SYNE1: variants seen among roughly 807,000 people sequenced by gnomAD.
SYNE1 encodes spectrin repeat containing nuclear envelope protein 1.
A neutral mutation model predicts 1,111.0 loss-of-function variants in SYNE1; 616 were observed. The observed-to-expected ratio is 0.55, with a 90% CI of 0.52 to 0.59. The LOEUF (loss-of-function observed/expected upper bound fraction) is 0.59, where lower values mean the gene tolerates loss of function less well. Among genes scored for constraint, SYNE1 ranks in the 20% least tolerant of loss-of-function variants. SYNE1 has a pLI of 0.00. For synonymous variants in SYNE1, 3,855 were observed against 3,825.8 expected, an observed-to-expected ratio of 1.01 and a Z score of -0.28; for missense variants, 10,006 against 10,417.0, an observed-to-expected ratio of 0.96 and a Z score of 1.72.
chr6:152,277,731 TCTC>T (rs1481080818), intron 98 of SYNE1: 3 of 249,570 alleles, frequency 1.2e-5, no homozygotes, highest in East Asian at 9.0e-5. Flanking sequence ...TTGACCCACT[TCTC>T]CTTATAGCTT....
Position 152,268,364 on chromosome 6 carries a change from GA to G in SYNE1, c.18706-200del, listed in dbSNP as rs2092905075. ...GTAGTGTTCTTTTGCTTTGATACAG[GA>G]TACCTCTGAAAAATCTGGGGGTTAA... On this transcript the variant is annotated intron_variant, in intron 99 of 145. Coordinates refer to ENST00000367255, the MANE Select transcript of SYNE1 (RefSeq NM_182961.4). Among the ~76,000 whole-genome samples the G allele has an allele frequency of 4.8e-5, 7 of 145,138 alleles. No homozygotes were observed. The South Asian group carries it at 1.5e-3, about 32-fold the overall frequency.
chr6:152,271,577 G>C (rs1351209043), intron 98 of SYNE1, among the ~76,000 whole-genome samples: 8 of 152,186 alleles, frequency 5.3e-5, no homozygotes, highest in Non-Finnish European at 1.0e-4. Context: ...TCCTAGAGAT[G>C]GGAAGTTTGG....
chr6:152,370,919 T>A (rs1431930413), intron 59 of SYNE1, among the ~76,000 whole-genome samples: 1 of 152,192 alleles, frequency 6.6e-6, no homozygotes, highest in Non-Finnish European at 1.5e-5. Flanking sequence ...ATTTGAAAAG[T>A]TAGTATCTCA....
chr6:152,200,296 A>G (rs17194424), intron 127 of SYNE1, among the ~76,000 whole-genome samples: 5,366 of 152,342 alleles, frequency 0.035, 135 homozygotes, highest in Middle Eastern at 0.068. Flanking sequence ...GGGCAATAAT[A>G]AATGTTTTCA....
Position 152,488,397 on chromosome 6 carries a change from TG to T in SYNE1, c.1045del (p.Gln349SerfsTer12). 6.4e-7 allele frequency: 1 copy of T among 1,554,952 alleles called. No homozygotes were observed. Among genetic ancestry groups the T allele is most frequent in the Non-Finnish European group, 8.9e-7 (1 of 1,128,250 alleles). On this transcript the variant is annotated frameshift_variant and splice_region_variant, in exon 12 of 146. Transcript: ENST00000367255. LOFTEE classifies it high-confidence loss of function. ...TCAAAAATCTTCTCCATACAATACC[TG>T]ATATTTATCCTGTAAATTTGATTCC... ...MVESNLQDKYQSFKHFRVQYE... is the reference protein window; with the variant it reads ...MVESNLQDKYXSFKHFRVQYE...
At chr6:152,285,708 A>G (rs780172431) in intron 95 of SYNE1, among the ~76,000 whole-genome samples, 2 of 152,138 alleles carry the variant, frequency 1.3e-5, no homozygotes, top group Non-Finnish European at 2.9e-5. Flanking sequence ...CTCTTAGGTT[A>G]ATTGTCATAT....
chr6:152,257,298 T>G (rs1302321967), intron 101 of SYNE1, among the ~76,000 whole-genome samples: 1 of 152,156 alleles, frequency 6.6e-6, no homozygotes, highest in East Asian at 1.9e-4. Flanking sequence ...TCTGGGAGGC[T>G]GAGGTGGGCA....
In SYNE1 at chr6:152,330,021, GTCTATAC is replaced by G. The variant is rs749669009; in HGVS notation, c.14657_14663del (p.Ser4886ThrfsTer6). ...GGGAGCGACTCATCTCAGTCTGGAA[GTCTATAC>G]TCTGCACCATTCGGCTCTCACATTC... On this transcript the variant is annotated frameshift_variant, in exon 78 of 146. Transcript: ENST00000367255. LOFTEE classifies it high-confidence loss of function. 1 of 1,614,152 alleles carries G rather than the reference GTCTATAC, an allele frequency of 6.2e-7. No individual in the cohort carries two copies. Among genetic ancestry groups the G allele is most frequent in the Non-Finnish European group, 8.5e-7 (1 of 1,180,038 alleles).
In SYNE1 at chr6:152,291,617, C is replaced by T. The variant is rs374806761; in HGVS notation, c.18012+1971G>A. On this transcript the variant is annotated intron_variant, in intron 95 of 145. Coordinates refer to ENST00000367255, the MANE Select transcript of SYNE1 (RefSeq NM_182961.4). Reference sequence around the variant, plus strand: ...GTGGTGCTGATTGGAAGCTAACTTGCATTTTCATGTACGAACTCTGGAAGG... The same window carrying T: ...GTGGTGCTGATTGGAAGCTAACTTGTATTTTCATGTACGAACTCTGGAAGG... Among the ~76,000 whole-genome samples the T allele has an allele frequency of 9.8e-5, 15 of 152,296 alleles. No individual in the cohort carries two copies. In the South Asian group the frequency reaches 1.9e-3, roughly 19 times the overall value.
chr6:152,318,793 C>G, intron 85 of SYNE1, 70 bp downstream of exon 85: 1 of 1,583,516 alleles, frequency 6.3e-7, no homozygotes, highest in Non-Finnish European at 8.6e-7. Context: ...TATCCTATAT[C>G]CCCAAGTAAA....
At chr6:152,197,496 A>G (rs947570595) in intron 127 of SYNE1, among the ~76,000 whole-genome samples, 1 of 152,244 alleles carries the variant, frequency 6.6e-6, no homozygotes, top group African/African-American at 2.4e-5. Context: ...TTCTTAAATA[A>G]TAAGACTTGG....
chr6:152,559,734 G>A (rs2099388654), intron 3 of SYNE1, among the ~76,000 whole-genome samples: 1 of 152,004 alleles, frequency 6.6e-6, no homozygotes, highest in South Asian at 2.1e-4. Flanking sequence ...AGCAAAAAGA[G>A]AAAGACTAAG....
chr6:152,601,418 G>A (rs2099595754), intron 3 of SYNE1, among the ~76,000 whole-genome samples: 1 of 152,172 alleles, frequency 6.6e-6, no homozygotes, highest in Non-Finnish European at 1.5e-5. Context: ...ATAGGCTGAG[G>A]TTGACATTTA....
intron 3 of SYNE1, among the ~76,000 whole-genome samples, chr6:152,626,302 A>G (rs1173470633): frequency 6.6e-6 from 1 of 152,120 alleles, no homozygotes; most frequent in Admixed American, 6.5e-5. Context: ...TCATCCAGAG[A>G]ATGTTCACAT....
chr6:152,407,881 C>A (rs2097925617), intron 44 of SYNE1, among the ~76,000 whole-genome samples: 1 of 151,742 alleles, frequency 6.6e-6, no homozygotes. Context: ...CCCACCTCAG[C>A]CTCCACAGTA....
At chr6:152,481,502 A>ATG (rs1380139043) in intron 14 of SYNE1, 1 of 434,264 alleles carries the variant, frequency 2.3e-6, no homozygotes, top group Non-Finnish European at 4.6e-6. Flanking sequence ...CCCCACCATT[A>ATG]TGTAATATAC....
At chr6:152,152,207 T>C in intron 133 of SYNE1, 66 bp from the exon 134 acceptor site, 1 of 1,439,058 alleles carries the variant, frequency 6.9e-7, no homozygotes, top group Non-Finnish European at 9.7e-7. Flanking sequence ...TGGCTCCTGG[T>C]TTTCTTATTG....
intron 53 of SYNE1, among the ~76,000 whole-genome samples, chr6:152,388,985 C>T (rs924201891): frequency 2.0e-5 from 3 of 152,020 alleles, no homozygotes; most frequent in African/African-American, 7.2e-5. Context: ...TTTTTCTTTG[C>T]TGACCATTGT....
At chr6:152,290,118 G>A (rs1032197792) in intron 95 of SYNE1, among the ~76,000 whole-genome samples, 14 of 152,088 alleles carry the variant, frequency 9.2e-5, no homozygotes, top group East Asian at 1.9e-4. Context: ...ACCTCTGTGC[G>A]CTATATATCA....
Sources: gnomAD v4.1 joint callset for allele counts (sites outside exome capture counted in the v4.1 genomes callset) on GRCh38, gnomAD v4.1.1 for gene constraint, MANE v1.5 for transcripts, NCBI Gene and HGNC (gene_info 2026-07-23, HGNC 2026-07-21) for gene names.